The following NAV2 variants were observed in gnomAD, a reference collection of about 807,000 sequenced individuals.
NAV2 encodes the protein helicase, APC down-regulated 1.
A neutral mutation model predicts 223.2 loss-of-function variants in NAV2; 54 were observed. That is an observed-to-expected ratio of 0.24 (90% CI 0.19 to 0.30). The LOEUF (loss-of-function observed/expected upper bound fraction) is 0.30, where lower values mean the gene tolerates loss of function less well. NAV2 is among the 10% of genes least tolerant of loss of function. NAV2 has a pLI of 1.00. For synonymous variants in NAV2, 1,279 were observed against 1,239.3 expected (o/e 1.03, Z -0.67); for missense variants, 2,806 against 3,147.5 (o/e 0.89, Z 2.60).
chr11:19,728,656 C>T lies in NAV2; in HGVS notation c.267+14694C>T, dbSNP rs544137170. Among the ~76,000 whole-genome samples the T allele has an allele frequency of 1.1e-3, 162 of 152,340 alleles. 2 individuals are homozygous for T. Among genetic ancestry groups the T allele is most frequent in the African/African-American group, 3.8e-3 (156 of 41,584 alleles). ...TGACCTCACAGGGCTGCTCTCAGCA[C>T]TAAATGCGATCATGTGGATGAGGCA... On this transcript the variant is annotated intron_variant, in intron 1 of 37. Coordinates refer to ENST00000349880, the MANE Select transcript of NAV2 (RefSeq NM_145117.5).
chr11:19,606,176 C>T (rs2046471782), intron 1 of NAV2, among the ~76,000 whole-genome samples: 2 of 152,166 alleles, frequency 1.3e-5, no homozygotes, highest in African/African-American at 2.4e-5. Flanking sequence ...GCAGCAAAAG[C>T]CAAACTCCTT....
At chr11:19,523,379 C>G (rs1290173829) in intron 1 of NAV2, among the ~76,000 whole-genome samples, 1 of 152,214 alleles carries the variant, frequency 6.6e-6, no homozygotes, top group Admixed American at 6.5e-5. Flanking sequence ...CCCTCCTGTT[C>G]CACTTCCCAG....
At chr11:19,947,878 C>T (rs1043516954) in intron 9 of NAV2, among the ~76,000 whole-genome samples, 1 of 152,048 alleles carries the variant, frequency 6.6e-6, no homozygotes, top group Non-Finnish European at 1.5e-5. Context: ...AAAATTAGAA[C>T]TGTGTCCACT....
intron 1 of NAV2, among the ~76,000 whole-genome samples, chr11:19,638,430 A>G (rs2047564601): frequency 6.6e-6 from 1 of 152,222 alleles, no homozygotes; most frequent in African/African-American, 2.4e-5. Context: ...GTGGTGGATT[A>G]AGACAGACCT....
chr11:19,614,766 G>C (rs190820320), intron 1 of NAV2, among the ~76,000 whole-genome samples: 1 of 152,120 alleles, frequency 6.6e-6, no homozygotes, highest in African/African-American at 2.4e-5. Context: ...TCTGCTCAGG[G>C]CCTCTGTCAG....
At chr11:19,524,719 G>T (rs7941416) in intron 1 of NAV2, among the ~76,000 whole-genome samples, 9,718 of 152,162 alleles carry the variant, frequency 0.064, 1,033 homozygotes, top group African/African-American at 0.22. Context: ...CTTTTTTTAA[G>T]ATATTAATTT....
intron 1 of NAV2, among the ~76,000 whole-genome samples, chr11:19,396,716 TG>T (rs1849464459): frequency 1.3e-5 from 2 of 152,188 alleles, no homozygotes; most frequent in Non-Finnish European, 2.9e-5. Flanking sequence ...GAGTGGTCCG[TG>T]GGGCCTCCAG....
At chr11:19,846,666 T>C (rs966948250) in intron 3 of NAV2, among the ~76,000 whole-genome samples, 1 of 152,212 alleles carries the variant, frequency 6.6e-6, no homozygotes, top group African/African-American at 2.4e-5. Flanking sequence ...GACTCTGCTG[T>C]GGGCTGGCAT....
chr11:19,632,359 G>C (rs909724046), intron 1 of NAV2, among the ~76,000 whole-genome samples: 4 of 152,172 alleles, frequency 2.6e-5, no homozygotes, highest in African/African-American at 9.7e-5. Flanking sequence ...TTGCAAGGCT[G>C]TATGCTTCCA....
At chr11:19,550,044 G>T (rs1341771925) in intron 1 of NAV2, among the ~76,000 whole-genome samples, 1 of 152,222 alleles carries the variant, frequency 6.6e-6, no homozygotes, top group Non-Finnish European at 1.5e-5. Context: ...GAGGACATAT[G>T]TGGAGGTGGA....
At chr11:19,375,958 A>G (rs903879653) in intron 1 of NAV2, among the ~76,000 whole-genome samples, 12 of 152,346 alleles carry the variant, frequency 7.9e-5, no homozygotes, top group African/African-American at 2.9e-4. Flanking sequence ...GAGACTAGGC[A>G]AAAGGATTAA....
chr11:20,022,772 G>A (rs2054620600), intron 11 of NAV2: 1 of 1,136,022 alleles, frequency 8.8e-7, no homozygotes, highest in Non-Finnish European at 1.1e-6. Flanking sequence ...CCACATGGAG[G>A]GCCCTTCCAT....
At chr11:20,000,975 G>T (rs1429863948) in intron 11 of NAV2, among the ~76,000 whole-genome samples, 2 of 152,108 alleles carry the variant, frequency 1.3e-5, no homozygotes, top group East Asian at 1.9e-4. Context: ...CTGATCCTGT[G>T]TGCCACCTGC....
chr11:19,517,601 A>G lies in NAV2; in HGVS notation c.75+166574A>G, dbSNP rs575245317. On this transcript the variant is annotated intron_variant, in intron 1 of 37. Transcript: ENST00000360655. ...GCATCAAAGGTTCAGAAGTCATTCC[A>G]GAATTTCAGGATAAGCCCCCAGAAG... Among the ~76,000 whole-genome samples the G allele has an allele frequency of 2.6e-5, 4 of 152,332 alleles. No homozygotes were observed. The South Asian group carries it at 6.2e-4, about 24-fold the overall frequency.
intron 37 of NAV2, among the ~76,000 whole-genome samples, chr11:20,115,469 A>G (rs1160596855): frequency 1.3e-5 from 2 of 151,886 alleles, no homozygotes; most frequent in Non-Finnish European, 1.5e-5. Flanking sequence ...CGTCTCTACT[A>G]AAAATATAAA....
At chr11:19,607,498 T>G (rs1302025288) in intron 1 of NAV2, among the ~76,000 whole-genome samples, 1 of 152,186 alleles carries the variant, frequency 6.6e-6, no homozygotes, top group Non-Finnish European at 1.5e-5. Context: ...CAGTTCTACT[T>G]AAATGTTGTC....
intron 1 of NAV2, among the ~76,000 whole-genome samples, chr11:19,631,564 A>C (rs953422717): frequency 6.6e-6 from 1 of 152,128 alleles, no homozygotes; most frequent in African/African-American, 2.4e-5. Context: ...TCCTACCAAG[A>C]CTAGTGTGCT....
At chr11:19,598,432 C>A (rs1052900234) in intron 1 of NAV2, among the ~76,000 whole-genome samples, 1 of 152,158 alleles carries the variant, frequency 6.6e-6, no homozygotes, top group Non-Finnish European at 1.5e-5. Context: ...TTTTATGCTG[C>A]TTTGTCTTTT....
At chr11:19,544,327 G>A (rs1481865775) in intron 1 of NAV2, among the ~76,000 whole-genome samples, 1 of 152,178 alleles carries the variant, frequency 6.6e-6, no homozygotes, top group Admixed American at 6.5e-5. Context: ...CGTGCTGTAA[G>A]ACAGACACAG....
Sources: gnomAD v4.1 joint callset for allele counts (sites outside exome capture counted in the v4.1 genomes callset) on GRCh38, gnomAD v4.1.1 for gene constraint, MANE v1.5 for transcripts, NCBI Gene and HGNC (gene_info 2026-07-23, HGNC 2026-07-21) for gene names.